NPAS3: variants seen among roughly 807,000 people sequenced by gnomAD.
NPAS3 encodes neuronal PAS domain protein 3.
Under a neutral mutation model 73.1 loss-of-function variants are expected in NPAS3, and 14 were observed. The observed-to-expected ratio is 0.19, with a 90% CI of 0.13 to 0.30. The LOEUF is 0.30. Ranked by LOEUF, NPAS3 falls within the 10% of genes least tolerant of loss-of-function variation. The probability of loss-of-function intolerance (pLI) is 1.00; values close to 1 mark genes in which losing one functional copy is unlikely to be tolerated. For missense variants in NPAS3, 1,096 were observed against 1,250.0 expected (o/e 0.88, Z 1.86); for synonymous variants, 620 against 541.5 (o/e 1.14, Z -2.01).
At chr14:33,570,751 A>G (rs1421572230) in intron 5 of NPAS3, among the ~76,000 whole-genome samples, 2 of 152,228 alleles carry the variant, frequency 1.3e-5, no homozygotes, top group African/African-American at 4.8e-5. Flanking sequence ...AAATGTCACA[A>G]CTGCTCTGTG....
At chr14:33,257,922 T>G (rs1345351989) in intron 3 of NPAS3, among the ~76,000 whole-genome samples, 2 of 152,210 alleles carry the variant, frequency 1.3e-5, no homozygotes, top group African/African-American at 4.8e-5. Context: ...TGATTTCACT[T>G]TTGGGTGGTA....
At chr14:33,412,944 T>C (rs1366253855) in intron 4 of NPAS3, among the ~76,000 whole-genome samples, 1 of 152,236 alleles carries the variant, frequency 6.6e-6, no homozygotes, top group Non-Finnish European at 1.5e-5. Context: ...ATCTTCAGTT[T>C]AGTGCTGTGT....
intron 5 of NPAS3, among the ~76,000 whole-genome samples, chr14:33,650,949 G>C (rs1269662981): frequency 1.3e-5 from 2 of 152,206 alleles, no homozygotes; most frequent in Non-Finnish European, 2.9e-5. Flanking sequence ...CAGCCACATG[G>C]AACAAGAAGA....
chr14:33,562,981 C>CTATCAAA (rs1278481688), intron 5 of NPAS3, among the ~76,000 whole-genome samples: 3 of 151,858 alleles, frequency 2.0e-5, no homozygotes, highest in African/African-American at 7.3e-5. Flanking sequence ...AGTGGTTATT[C>CTATCAAA]TATCAAATTC....
intron 4 of NPAS3, among the ~76,000 whole-genome samples, chr14:33,440,850 C>T (rs139190021): frequency 1.1e-4 from 17 of 151,540 alleles, no homozygotes; most frequent in Non-Finnish European, 2.2e-4. Context: ...GCCAAGACTG[C>T]GCCACTGCAC....
At chr14:33,282,803 T>C (rs2041682516) in intron 3 of NPAS3, among the ~76,000 whole-genome samples, 1 of 152,206 alleles carries the variant, frequency 6.6e-6, no homozygotes, top group Non-Finnish European at 1.5e-5. Context: ...TTTCAGTCCA[T>C]CTGAATGGAT....
intron 6 of NPAS3, among the ~76,000 whole-genome samples, chr14:33,679,258 G>A (rs964840872): frequency 6.6e-6 from 1 of 152,120 alleles, no homozygotes; most frequent in East Asian, 1.9e-4. Context: ...CTGCAGTGTT[G>A]GTTATTTTCT....
At chr14:33,241,052 A>G (rs1412294899) in intron 3 of NPAS3, among the ~76,000 whole-genome samples, 2 of 151,912 alleles carry the variant, frequency 1.3e-5, no homozygotes, top group African/African-American at 4.8e-5. Flanking sequence ...AGAGTTTACC[A>G]TAGCTCTATT....
chr14:33,248,325 A>G (rs892090062), intron 3 of NPAS3, among the ~76,000 whole-genome samples: 8 of 152,176 alleles, frequency 5.3e-5, no homozygotes, highest in Non-Finnish European at 7.3e-5. Flanking sequence ...CCGGTATGTT[A>G]AACAGCCTCC....
intron 3 of NPAS3, among the ~76,000 whole-genome samples, chr14:33,267,303 T>C (rs1311029858): frequency 1.3e-5 from 2 of 152,198 alleles, no homozygotes; most frequent in African/African-American, 4.8e-5. Flanking sequence ...TACATAAATG[T>C]ACAAATGAGA....
chr14:33,732,602 G>C (rs563184271), intron 6 of NPAS3, among the ~76,000 whole-genome samples: 12 of 152,314 alleles, frequency 7.9e-5, no homozygotes, highest in African/African-American at 2.9e-4. Flanking sequence ...TCAGAAACCA[G>C]TCTCTTTCTG....
chr14:33,798,958 TG>T (rs1406591736), intron 11 of NPAS3, among the ~76,000 whole-genome samples: 1 of 115,856 alleles, frequency 8.6e-6, no homozygotes, highest in East Asian at 2.6e-4. Flanking sequence ...CTGGGCAACG[TG>T]GCAAGACCCT....
At chr14:33,032,671 G>T (rs567758484) in intron 1 of NPAS3, among the ~76,000 whole-genome samples, 9 of 152,206 alleles carry the variant, frequency 5.9e-5, no homozygotes, top group Non-Finnish European at 1.2e-4. Context: ...GACTCCCAGA[G>T]TTCCTTGGCA....
At chr14:33,801,079 G>A (rs376161343) in exon 12 of NPAS3, 11 of 1,591,908 alleles carry the variant, frequency 6.9e-6, no homozygotes, top group African/African-American at 1.3e-5. Flanking sequence ...GCATCCACGC[G>A]GCACAGACTC....
intron 5 of NPAS3, among the ~76,000 whole-genome samples, chr14:33,629,058 C>T (rs953431791): frequency 2.6e-5 from 4 of 151,816 alleles, no homozygotes; most frequent in Non-Finnish European, 4.4e-5. Context: ...GGTGAAACCC[C>T]GTCTCTACTA....
At chr14:33,304,574 GA>G (rs1186705062) in intron 3 of NPAS3, among the ~76,000 whole-genome samples, 2 of 151,424 alleles carry the variant, frequency 1.3e-5, no homozygotes, top group Non-Finnish European at 1.5e-5. Flanking sequence ...AAGAACAAAG[GA>G]AAAAATATGT....
intron 2 of NPAS3, among the ~76,000 whole-genome samples, chr14:33,076,239 C>A (rs994267557): frequency 6.6e-6 from 1 of 152,100 alleles, no homozygotes; most frequent in African/African-American, 2.4e-5. Flanking sequence ...AATTGCTTAG[C>A]GTGTTGCATG....
chr14:32,961,701 A>G (rs530208591), intron 1 of NPAS3, among the ~76,000 whole-genome samples: 16 of 152,264 alleles, frequency 1.1e-4, no homozygotes, highest in African/African-American at 3.4e-4. Context: ...CCATGCTGAG[A>G]GCTTTACATA....
intron 4 of NPAS3, among the ~76,000 whole-genome samples, chr14:33,390,995 C>T (rs1172763554): frequency 6.6e-6 from 1 of 152,068 alleles, no homozygotes; most frequent in Non-Finnish European, 1.5e-5. Context: ...TGGAACATTG[C>T]AGATTTTGTC....
Sources: gnomAD v4.1 joint callset for allele counts (sites outside exome capture counted in the v4.1 genomes callset) on GRCh38, gnomAD v4.1.1 for gene constraint, MANE v1.5 for transcripts, NCBI Gene and HGNC (gene_info 2026-07-23, HGNC 2026-07-21) for gene names.